Variants in LRRC7 observed in about 807,000 individuals in gnomAD.
The protein encoded by LRRC7 is leucine-rich repeat-containing protein 7.
LRRC7 carries 23 observed loss-of-function variants against 175.7 expected under a neutral mutation model. That is an observed-to-expected ratio of 0.13 (90% CI 0.09 to 0.19). The LOEUF is 0.19. Ranked by LOEUF, LRRC7 falls within the 10% of genes least tolerant of loss-of-function variation. LRRC7 has a pLI of 1.00. For synonymous variants in LRRC7, 685 were observed against 680.9 expected (o/e 1.01, Z -0.09); for missense variants, 1,354 against 1,904.7 (o/e 0.71, Z 5.38).
At chr1:69,731,057 C>T (rs1570547869) in intron 2 of LRRC7, among the ~76,000 whole-genome samples, 2 of 151,934 alleles carry the variant, frequency 1.3e-5, no homozygotes, top group African/African-American at 2.4e-5. Flanking sequence ...ATCCCAGCAC[C>T]TTGGGAGGCT....
At chr1:69,743,236 A>C (rs1668899234) in intron 2 of LRRC7, among the ~76,000 whole-genome samples, 1 of 152,052 alleles carries the variant, frequency 6.6e-6, no homozygotes, top group Non-Finnish European at 1.5e-5. Context: ...ACAGCTTGAC[A>C]GCTTACCACA....
chr1:69,914,883 A>G (rs141204410), intron 7 of LRRC7, among the ~76,000 whole-genome samples: 2 of 152,228 alleles, frequency 1.3e-5, no homozygotes, highest in African/African-American at 4.8e-5. Context: ...AACATTTGCA[A>G]TGTGGCCCTT....
At chr1:69,970,912 AC>A (rs1282077569) in intron 8 of LRRC7, among the ~76,000 whole-genome samples, 2 of 152,168 alleles carry the variant, frequency 1.3e-5, no homozygotes, top group Non-Finnish European at 2.9e-5. Flanking sequence ...CCAACAACAT[AC>A]CAAAAAGATA....
chr1:70,039,616 T>A lies in LRRC7; in HGVS notation c.3792T>A (p.Ala1264=). The change falls in exon 21 of 27, where the codon GCT becomes GCA. Residue 1264 remains alanine, a synonymous_variant. Coordinates refer to ENST00000651989, the MANE Select transcript of LRRC7 (RefSeq NM_001370785.2). Reference sequence around the variant, plus strand: ...TTTCAGCTAGGCCTACTATGGCAGCTCTTTTGGAAAAAATACCATCTGACT... The same window carrying A: ...TTTCAGCTAGGCCTACTATGGCAGCACTTTTGGAAAAAATACCATCTGACT... The part of the protein sequence containing the change: ...RPVSARPTMA[A]LLEKIPSDYN... The A allele has an allele frequency of 6.2e-7, 1 of 1,614,046 alleles. No homozygotes were observed. Among genetic ancestry groups the A allele is most frequent in the Admixed American group, 1.7e-5 (1 of 60,016 alleles).
intron 4 of LRRC7, among the ~76,000 whole-genome samples, chr1:69,799,570 C>A (rs192110515): frequency 6.6e-6 from 1 of 152,064 alleles, no homozygotes; most frequent in Non-Finnish European, 1.5e-5. Context: ...GACTAATATT[C>A]CATTGTATTT....
intron 1 of LRRC7, among the ~76,000 whole-genome samples, chr1:69,598,393 A>G (rs1646925840): frequency 6.6e-6 from 1 of 152,160 alleles, no homozygotes; most frequent in Admixed American, 6.6e-5. Flanking sequence ...ATATCTATCT[A>G]TCTAGAGAGA....
chr1:70,002,488 T>C (rs762780208), intron 11 of LRRC7, among the ~76,000 whole-genome samples: 12 of 152,246 alleles, frequency 7.9e-5, no homozygotes, highest in Non-Finnish European at 1.8e-4. Context: ...ATCTTTTGTA[T>C]CATCATTTAA....
chr1:69,853,499 A>C (rs1054905180), intron 7 of LRRC7, among the ~76,000 whole-genome samples: 1 of 151,820 alleles, frequency 6.6e-6, no homozygotes, highest in African/African-American at 2.4e-5. Context: ...GGCTGGTCTC[A>C]AACTCCTGAC....
At chr1:69,614,661 T>C (rs180988507) in intron 1 of LRRC7, among the ~76,000 whole-genome samples, 2 of 152,216 alleles carry the variant, frequency 1.3e-5, no homozygotes, top group East Asian at 3.9e-4. Context: ...GTTTCCTTTC[T>C]TGGCACTGAT....
intron 2 of LRRC7, among the ~76,000 whole-genome samples, chr1:69,719,047 T>C (rs2100772518): frequency 6.6e-6 from 1 of 151,964 alleles, no homozygotes; most frequent in East Asian, 1.9e-4. Context: ...TCAGATTTAC[T>C]TATTCTCAGA....
At chr1:69,838,736 G>T (rs1208017564) in intron 7 of LRRC7, among the ~76,000 whole-genome samples, 1 of 151,716 alleles carries the variant, frequency 6.6e-6, no homozygotes, top group East Asian at 1.9e-4. Context: ...ATCGTAAAGT[G>T]GTTTAGGTAG....
At chr1:69,766,351 C>T (rs893522659) in intron 3 of LRRC7, among the ~76,000 whole-genome samples, 20 of 152,112 alleles carry the variant, frequency 1.3e-4, no homozygotes, top group African/African-American at 1.9e-4. Context: ...CTGTGTAACA[C>T]TTTCAAAGCT....
In LRRC7 at chr1:70,084,917, A is replaced by G. The variant is rs948845012; in HGVS notation, c.4453-4810A>G. On this transcript the variant is annotated intron_variant, in intron 24 of 26. Transcript: ENST00000651989. ...GACTAATGATATTGAGTATATTTTC[A>G]TATGCTTTTTGAATGTTTATGTATC... is the stretch of plus-strand genomic sequence containing the variant. 9.9e-5 allele frequency among the ~76,000 whole-genome samples: 15 copies of G among 152,008 alleles called. No individual in the cohort carries two copies. The East Asian group carries it at 1.2e-3, about 12-fold the overall frequency.
At chr1:69,811,300 A>T (rs960551737) in intron 4 of LRRC7, among the ~76,000 whole-genome samples, 1 of 152,042 alleles carries the variant, frequency 6.6e-6, no homozygotes, top group African/African-American at 2.4e-5. Flanking sequence ...GGAGAAATAG[A>T]AATGCTCTTA....
At chr1:69,898,523 T>C (rs1646041998) in intron 7 of LRRC7, among the ~76,000 whole-genome samples, 1 of 152,192 alleles carries the variant, frequency 6.6e-6, no homozygotes, top group African/African-American at 2.4e-5. Context: ...GCAAAAGCAA[T>C]TTTAAAAGAA....
intron 2 of LRRC7, among the ~76,000 whole-genome samples, chr1:69,740,080 T>C (rs1668540835): frequency 6.6e-6 from 1 of 152,070 alleles, no homozygotes; most frequent in African/African-American, 2.4e-5. Context: ...TGGTCAGTTT[T>C]CTAAATAGAA....
chr1:70,093,734 A>G (rs1357467052), intron 25 of LRRC7, among the ~76,000 whole-genome samples: 1 of 152,204 alleles, frequency 6.6e-6, no homozygotes, highest in African/African-American at 2.4e-5. Flanking sequence ...AAGCAATTAT[A>G]TAACTTGTGG....
At chr1:69,819,743 A>G (rs1679048711) in intron 4 of LRRC7, among the ~76,000 whole-genome samples, 4 of 152,038 alleles carry the variant, frequency 2.6e-5, no homozygotes, top group Admixed American at 1.3e-4. Flanking sequence ...TATTGGGTGC[A>G]TATATATTTA....
chr1:69,694,867 G>A (rs191258244), intron 2 of LRRC7, among the ~76,000 whole-genome samples: 99 of 152,170 alleles, frequency 6.5e-4, no homozygotes, highest in African/African-American at 2.3e-3. Flanking sequence ...TTCTTGTACA[G>A]CCTACAGAAC....
Sources: allele counts gnomAD v4.1 joint callset (sites outside exome capture counted in the v4.1 genomes callset), GRCh38; gene constraint gnomAD v4.1.1; transcripts MANE v1.5; gene names NCBI Gene and HGNC (gene_info 2026-07-23, HGNC 2026-07-21).